The following ATP10B variants were observed in gnomAD, a reference collection of about 807,000 sequenced individuals.
The protein encoded by ATP10B is phospholipid-transporting ATPase VB.
Under a neutral mutation model 141.2 loss-of-function variants are expected in ATP10B, and 122 were observed. The observed-to-expected ratio is 0.86, with a 90% CI of 0.75 to 1.00. The LOEUF (loss-of-function observed/expected upper bound fraction) is 1.00, where lower values mean the gene tolerates loss of function less well. Ranked by LOEUF, ATP10B falls within the 50% of genes least tolerant of loss-of-function variation. The pLI is 0.00. For missense variants in ATP10B, 1,876 were observed against 1,825.3 expected (o/e 1.03, Z -0.51); for synonymous variants, 685 against 692.0 (o/e 0.99, Z 0.16).
chr5:160,688,248 C>T (rs1478666435), intron 4 of ATP10B, among the ~76,000 whole-genome samples, 154 bp from the exon 5 acceptor site: 2 of 152,170 alleles, frequency 1.3e-5, no homozygotes, highest in East Asian at 3.8e-4. Context: ...TAGATCCTGA[C>T]CATTTGCTTC....
intron 2 of ATP10B, among the ~76,000 whole-genome samples, chr5:160,779,603 T>C (rs7734182): frequency 0.16 from 25,088 of 152,148 alleles, 2,307 homozygotes; most frequent in East Asian, 0.27. Flanking sequence ...CCTTCCCCAG[T>C]TGAGCCTTCA....
At chr5:160,877,640 T>C in the ATP10B span, among the ~76,000 whole-genome samples, 32 of 150,082 alleles carry the variant, frequency 2.1e-4, no homozygotes, top group East Asian at 1.4e-3. Context: ...AAAACCCCAT[T>C]GTCTCAGCCC....
chr5:160,847,549 T>G (rs763241011), intron 1 of ATP10B, among the ~76,000 whole-genome samples: 1 of 152,224 alleles, frequency 6.6e-6, no homozygotes, highest in Non-Finnish European at 1.5e-5. Context: ...CCTGTGCTGT[T>G]AAACTTGGTT....
At position 160,824,212 on chromosome 5, in the gene ATP10B, T is replaced by G. The variant is rs146875260; in HGVS notation, c.-576+27729A>C. On this transcript the variant is annotated intron_variant, in intron 1 of 25. Transcript: ENST00000327245. ...TTTGTATTTTTAGTAGAGACAGGGT[T>G]TCACCATGTTAGCCAGGATGGTCTC... Among the ~76,000 whole-genome samples, 140 of 152,100 alleles carry G rather than the reference T, an allele frequency of 9.2e-4. No homozygotes were observed. The South Asian group carries it at 0.018, about 20-fold the overall frequency.
At chr5:160,866,548 CT>C in the ATP10B span, among the ~76,000 whole-genome samples, 1 of 152,006 alleles carries the variant, frequency 6.6e-6, no homozygotes, top group Non-Finnish European at 1.5e-5. Context: ...TGGTGCATGC[CT>C]GCAATCCCAG....
Position 160,764,782 on chromosome 5 carries a change from T to C in ATP10B, c.-331+20777A>G, listed in dbSNP as rs577479531. ...AAAGAGGAAGTCAAGCTGTTGCTGT[T>C]TGCTGATATAATCACATACCTAGAA... On this transcript the variant is annotated intron_variant, in intron 2 of 25. Coordinates refer to ENST00000327245, the MANE Select transcript of ATP10B (RefSeq NM_025153.3). Among the ~76,000 whole-genome samples the C allele has an allele frequency of 2.4e-4, 36 of 152,198 alleles. No homozygotes were observed. In the South Asian group the frequency reaches 7.3e-3, roughly 31 times the overall value.
chr5:160,767,635 A>ACCCCCCCCC (rs531198402), intron 2 of ATP10B, among the ~76,000 whole-genome samples: 10 of 86,662 alleles, frequency 1.2e-4, no homozygotes, highest in African/African-American at 1.9e-4. Context: ...TGTGTGCAGA[A>ACCCCCCCCC]CCCCCCCCCC....
chr5:160,622,959 T>C (rs1054229789), intron 13 of ATP10B, among the ~76,000 whole-genome samples: 1 of 152,230 alleles, frequency 6.6e-6, no homozygotes, highest in African/African-American at 2.4e-5. Flanking sequence ...ACAGTCTTCT[T>C]AAAACTCCAT....
the ATP10B span, among the ~76,000 whole-genome samples, chr5:160,884,916 A>G: frequency 1.3e-5 from 2 of 152,202 alleles, no homozygotes; most frequent in African/African-American, 4.8e-5. Context: ...TCTGTCCACA[A>G]ATTTGCATGT....
intron 7 of ATP10B, among the ~76,000 whole-genome samples, chr5:160,662,704 C>A (rs866023947): frequency 6.6e-6 from 1 of 152,016 alleles, no homozygotes; most frequent in East Asian, 1.9e-4. Context: ...TAGAAGAAAA[C>A]CTAGGCATTA....
intron 24 of ATP10B, among the ~76,000 whole-genome samples, chr5:160,571,051 G>A (rs1456506441): frequency 6.6e-6 from 1 of 152,038 alleles, no homozygotes; most frequent in Non-Finnish European, 1.5e-5. Context: ...GACAGAGTAA[G>A]TATGAATTTC....
At position 160,565,520 on chromosome 5, in the gene ATP10B, T is replaced by G. The variant is rs766630983; in HGVS notation, c.4319A>C (p.Gln1440Pro). ...PNRIMAYSRG[Q>P]TDMCRCSKRS... ...CTTTGAGCACCGGCACATATCAGTCTGTCCTCTTGAGTAGGCCATTATCCT... is the reference window on the plus strand; with the variant it reads ...CTTTGAGCACCGGCACATATCAGTCGGTCCTCTTGAGTAGGCCATTATCCT... The change falls in exon 26 of 26, where the codon CAG (glutamine) becomes CCG (proline). Residue 1440 changes from glutamine to proline, a missense_variant. Physicochemically the swap from Gln to Pro is moderately conservative, Grantham distance 76. Transcript: ENST00000327245. 19 of 1,614,038 alleles carry G rather than the reference T, an allele frequency of 1.2e-5. No homozygotes were observed. The highest frequency in any genetic ancestry group is 5.0e-5 in the Admixed American group (3 of 60,010).
At chr5:160,812,104 GACA>G (rs1290582624) in intron 1 of ATP10B, among the ~76,000 whole-genome samples, 1 of 151,754 alleles carries the variant, frequency 6.6e-6, no homozygotes, top group Non-Finnish European at 1.5e-5. Context: ...AGTAAGGGAA[GACA>G]ACAAGAGTTT....
intron 2 of ATP10B, among the ~76,000 whole-genome samples, chr5:160,760,065 A>G (rs917222873): frequency 2.0e-5 from 3 of 152,162 alleles, no homozygotes; most frequent in African/African-American, 7.2e-5. Context: ...GCAATGGAGG[A>G]AAGTACCAAG....
chr5:160,637,304 C>A (rs984092152), intron 10 of ATP10B, among the ~76,000 whole-genome samples: 2 of 151,260 alleles, frequency 1.3e-5, no homozygotes, highest in African/African-American at 4.9e-5. Context: ...CTCCTACCCA[C>A]CTACTTACCC....
intron 2 of ATP10B, among the ~76,000 whole-genome samples, chr5:160,720,986 A>G (rs1025550328): frequency 1.2e-4 from 19 of 152,230 alleles, no homozygotes; most frequent in African/African-American, 4.1e-4. Context: ...GGTTGCAGTA[A>G]GTAAGCCTGT....
chr5:160,813,028 C>G (rs985857698), intron 1 of ATP10B, among the ~76,000 whole-genome samples: 1 of 152,196 alleles, frequency 6.6e-6, no homozygotes, highest in African/African-American at 2.4e-5. Flanking sequence ...CAAATAGGAA[C>G]AGCTCCAGTC....
chr5:160,869,479 A>G, the ATP10B span, among the ~76,000 whole-genome samples: 6 of 151,556 alleles, frequency 4.0e-5, no homozygotes, highest in South Asian at 8.3e-4. Context: ...TCAGTTGGGG[A>G]AAAAAAAAGT....
chr5:160,928,616 AAT>A, the ATP10B span, among the ~76,000 whole-genome samples: 1 of 152,132 alleles, frequency 6.6e-6, no homozygotes, highest in African/African-American at 2.4e-5. Context: ...GGCTTGTAAT[AAT>A]ATATAAAGTG....
Sources: gnomAD v4.1 joint callset for allele counts (sites outside exome capture counted in the v4.1 genomes callset) on GRCh38, gnomAD v4.1.1 for gene constraint, MANE v1.5 for transcripts, NCBI Gene and HGNC (gene_info 2026-07-23, HGNC 2026-07-21) for gene names.